The following ARPC1B variants were observed in gnomAD, a reference collection of about 807,000 sequenced individuals.
ARPC1B encodes the protein actin related protein 2/3 complex subunit 1B.
Under a neutral mutation model 46.0 loss-of-function variants are expected in ARPC1B, and 29 were observed. That is an observed-to-expected ratio of 0.63 (90% CI 0.47 to 0.86). ARPC1B has a LOEUF of 0.86. Ranked by LOEUF, ARPC1B falls within the 40% of genes least tolerant of loss-of-function variation. ARPC1B has a pLI of 0.00. For synonymous variants in ARPC1B, 201 were observed against 213.9 expected (o/e 0.94, Z 0.53); for missense variants, 469 against 529.4 (o/e 0.89, Z 1.12).
intron 1 of ARPC1B, among the ~76,000 whole-genome samples, chr7:99,376,156 C>T (rs956303686): frequency 6.6e-6 from 1 of 151,940 alleles, no homozygotes; most frequent in African/African-American, 2.4e-5. Flanking sequence ...TGGCAGTGAG[C>T]CAAGACTGTA....
intron 1 of ARPC1B, among the ~76,000 whole-genome samples, chr7:99,378,905 T>C (rs1353531290): frequency 6.7e-6 from 1 of 149,786 alleles, no homozygotes; most frequent in Non-Finnish European, 1.5e-5. Context: ...GCCTCCCGAG[T>C]AGCTGGGACT....
At chr7:99,389,698 A>C in intron 4 of ARPC1B, 1 of 568,624 alleles carries the variant, frequency 1.8e-6, no homozygotes, top group Non-Finnish European at 3.2e-6. Context: ...GATAGAGGGC[A>C]CAGAGTTCCC....
chr7:99,393,150 G>T (rs1245453189), intron 8 of ARPC1B, among the ~76,000 whole-genome samples: 1 of 152,170 alleles, frequency 6.6e-6, no homozygotes, highest in African/African-American at 2.4e-5. Context: ...GGCAGAGGTC[G>T]CGTAGCGGGC....
At chr7:99,381,140 T>G (rs960070410) in intron 1 of ARPC1B, among the ~76,000 whole-genome samples, 2 of 152,140 alleles carry the variant, frequency 1.3e-5, no homozygotes, top group African/African-American at 4.8e-5. Flanking sequence ...AGATGGTGCT[T>G]CCGGGGCCCT....
At chr7:99,391,344 C>T (rs1170341000) in intron 7 of ARPC1B, 91 bp downstream of exon 7, 4 of 1,309,864 alleles carry the variant, frequency 3.1e-6, no homozygotes, top group Admixed American at 4.1e-5. Context: ...CTTTCTCCTG[C>T]CTCCCTCCTT....
chr7:99,381,300 A>G (rs912236359), intron 1 of ARPC1B, among the ~76,000 whole-genome samples: 4 of 152,036 alleles, frequency 2.6e-5, no homozygotes, highest in South Asian at 4.1e-4. Flanking sequence ...CTGAACATAC[A>G]TGTGTGCAGG....
intron 1 of ARPC1B, among the ~76,000 whole-genome samples, chr7:99,384,729 GC>G (rs954475006): frequency 5.9e-4 from 90 of 152,228 alleles, no homozygotes; most frequent in African/African-American, 2.1e-3. Flanking sequence ...TCAGCCATGA[GC>G]CCCTGCAGAC....
At chr7:99,388,547 C>T (rs904018165) in intron 4 of ARPC1B, 25 of 403,936 alleles carry the variant, frequency 6.2e-5, no homozygotes, top group African/African-American at 4.2e-4. Context: ...GACTGGGCAT[C>T]GGTCACTGTC....
In ARPC1B at chr7:99,394,037, C is replaced by T. The variant is rs773592663; in HGVS notation, c.998C>T (p.Ser333Leu). ...SLHKNSVSQI[S>L]VLSGGKAKCS... is the part of the protein sequence containing the mutation. Reference sequence around the variant, plus strand: ...CCTCTTCCTCTTTGCAGCCAGATCTCGGTGCTCAGCGGCGGCAAGGCCAAG... The same window carrying T: ...CCTCTTCCTCTTTGCAGCCAGATCTTGGTGCTCAGCGGCGGCAAGGCCAAG... The change falls in exon 9 of 10, where the codon TCG (serine) becomes TTG (leucine). Residue 333 changes from serine (S) to leucine (L), a missense_variant. Transcript: ENST00000646101. 4 of 1,613,066 alleles carry T rather than the reference C, an allele frequency of 2.5e-6. No homozygotes were observed. The highest frequency in any genetic ancestry group is 1.1e-5 in the South Asian group (1 of 91,080).
At chr7:99,390,108 TC>T (rs1794522599) in intron 5 of ARPC1B, 96 bp downstream of exon 5, 1 of 1,101,022 alleles carries the variant, frequency 9.1e-7, no homozygotes, top group African/African-American at 1.5e-5. Flanking sequence ...CACCCCAGCT[TC>T]TAGACACATT....
intron 9 of ARPC1B, 27 bp downstream of exon 9, chr7:99,394,146 G>A (rs879139769): frequency 6.8e-6 from 11 of 1,608,302 alleles, no homozygotes; most frequent in South Asian, 4.4e-5. Context: ...CTGGCTTCCC[G>A]CCATGCCTCC....
chr7:99,388,324 C>T (rs984881977), intron 4 of ARPC1B, 63 bp downstream of exon 4: 115 of 1,519,470 alleles, frequency 7.6e-5, no homozygotes, highest in South Asian at 1.2e-4. Context: ...AGAGTGTCCC[C>T]GGGAAGCACC....
chr7:99,390,022 G>A lies in ARPC1B; in HGVS notation c.500+10G>A. 6.2e-7 allele frequency: 1 copy of A among 1,611,662 alleles called. No homozygotes were observed. Among genetic ancestry groups the A allele is most frequent in the Non-Finnish European group, 8.5e-7 (1 of 1,178,190 alleles). ...GTGACTTCAAGTGTCGGTGAGACAGGGCGCCATGGGGGAGGGCGGGGCTGA... is the reference window on the plus strand; with the variant it reads ...GTGACTTCAAGTGTCGGTGAGACAGAGCGCCATGGGGGAGGGCGGGGCTGA... On this transcript the variant is annotated intron_variant, in intron 5 of 9. Coordinates refer to ENST00000646101, the MANE Select transcript of ARPC1B (RefSeq NM_005720.4).
chr7:99,386,840 G>C (rs1180227122), intron 3 of ARPC1B, 51 bp downstream of exon 3: 1 of 1,452,228 alleles, frequency 6.9e-7, no homozygotes, highest in African/African-American at 1.4e-5. Context: ...GGTGGGTTGG[G>C]GGGGTGGTGC....
At position 99,392,832 on chromosome 7, in the gene ARPC1B, G is replaced by C. The variant is rs904495739; in HGVS notation, c.945G>C (p.Thr315=). The change falls in exon 8 of 10, where the codon ACG becomes ACC. Residue 315 remains threonine (T), a synonymous_variant. Transcript: ENST00000646101. ...AGAAGGCGAGCTCCGAGGGTGGCACGGCTGCGGGCGCGGGCCTAGACTCGC... is the reference window on the plus strand; with the variant it reads ...AGAAGGCGAGCTCCGAGGGTGGCACCGCTGCGGGCGCGGGCCTAGACTCGC... ...LDKKASSEGG[T]AAGAGLDSLH... The C allele has an allele frequency of 1.3e-6, 2 of 1,549,984 alleles. No homozygotes were observed. The highest frequency in any genetic ancestry group is 2.7e-5 in the African/African-American group (2 of 73,060).
chr7:99,390,107 T>C (rs993657810), intron 5 of ARPC1B, 95 bp downstream of exon 5: 10 of 1,119,392 alleles, frequency 8.9e-6, no homozygotes, highest in Admixed American at 7.4e-5. Flanking sequence ...ACACCCCAGC[T>C]TCTAGACACA....
rs199528626 is a variant in ARPC1B, at chr7:99,390,944, G to A, written c.552G>A (p.Pro184=). Residue 184 remains proline (P), a synonymous_variant, in exon 6 of 10, where the codon CCG becomes CCA. Coordinates refer to ENST00000646101, the MANE Select transcript of ARPC1B (RefSeq NM_005720.4). ...TGGAGGAACGGCCGGCACCCACCCCGTGGGGCTCCAAGATGCCCTTTGGGG... is the reference window on the plus strand; with the variant it reads ...TGGAGGAACGGCCGGCACCCACCCCATGGGGCTCCAAGATGCCCTTTGGGG... The part of the protein sequence containing the change: ...KEVEERPAPT[P]WGSKMPFGEL... 1.2e-5 allele frequency: 20 copies of A among 1,613,410 alleles called. No homozygotes were observed. The Admixed American group carries it at 1.8e-4, about 15-fold the overall frequency.
At chr7:99,374,584 G>C (rs1793977003), upstream of ARPC1B, 1 of 152,170 alleles carries the variant, frequency 6.6e-6, no homozygotes, top group Non-Finnish European at 1.5e-5. This position sits in a 1 kb window ranked among gnomAD's most constrained non-coding sequence, Gnocchi z 5.0. Flanking sequence ...CGCGGGTACC[G>C]GCAGCACCCC....
rs1794397602 is a variant in ARPC1B at position 99,386,587 on chromosome 7, A to C, written c.65-98A>C. 16 of 967,260 alleles carry C rather than the reference A, an allele frequency of 1.7e-5. No individual in the cohort carries two copies. In the East Asian group the frequency reaches 3.6e-4, roughly 22 times the overall value. 59.9% of individuals were successfully genotyped at this position (967,260 alleles called of 1,614,324 possible). On this transcript the variant is annotated intron_variant, in intron 2 of 9. Transcript: ENST00000646101. ...GCAGAAGAGGAGAGACTGAGTCATG[A>C]AAGGTGAGGTGTTGTTGCCTAGGTG... is the stretch of plus-strand genomic sequence containing the variant.
Sources: gnomAD v4.1 joint callset for allele counts (sites outside exome capture counted in the v4.1 genomes callset) on GRCh38, gnomAD v4.1.1 for gene constraint, Gnocchi (gnomAD v3.1) non-coding constraint, MANE v1.5 for transcripts, NCBI Gene and HGNC (gene_info 2026-07-23, HGNC 2026-07-21) for gene names.